Variants in SLC35A1 observed in about 807,000 individuals in gnomAD.
The protein encoded by SLC35A1 is solute carrier family 35 member A1.
Under a neutral mutation model 40.3 loss-of-function variants are expected in SLC35A1, and 21 were observed. The ratio of observed to expected loss-of-function variants is 0.52; its 90% CI spans 0.37 to 0.75. The LOEUF is 0.75. SLC35A1 is among the 30% of genes least tolerant of loss of function. The pLI is 0.00. For missense variants in SLC35A1, 297 were observed against 382.1 expected, an observed-to-expected ratio of 0.78 and a Z score of 1.86; for synonymous variants, 146 against 147.3, an observed-to-expected ratio of 0.99 and a Z score of 0.06.
intron 1 of SLC35A1, among the ~76,000 whole-genome samples, chr6:87,473,476 C>T (rs1263338338): frequency 6.6e-6 from 1 of 152,214 alleles, no homozygotes; most frequent in African/African-American, 2.4e-5. Context: ...GCGCAGATCC[C>T]ATGCGGCGGC....
intron 2 of SLC35A1, among the ~76,000 whole-genome samples, chr6:87,478,704 C>A (rs550536559): frequency 3.9e-5 from 6 of 152,238 alleles, no homozygotes; most frequent in African/African-American, 1.4e-4. Context: ...TTATACTAAT[C>A]CACTTGAAGT....
At chr6:87,500,292 AGTT>A (rs1769879619) in intron 2 of SLC35A1, among the ~76,000 whole-genome samples, 1 of 152,232 alleles carries the variant, frequency 6.6e-6, no homozygotes, top group South Asian at 2.1e-4. Context: ...TGGTAAATCT[AGTT>A]GTTGTCATAT....
chr6:87,490,590 C>T (rs2127969044), intron 2 of SLC35A1, among the ~76,000 whole-genome samples: 1 of 151,990 alleles, frequency 6.6e-6, no homozygotes, highest in South Asian at 2.1e-4. Context: ...CCTCGGCCTC[C>T]CAATGTAATT....
intron 2 of SLC35A1, among the ~76,000 whole-genome samples, chr6:87,483,117 C>G (rs1321908689): frequency 6.6e-6 from 1 of 152,096 alleles, no homozygotes; most frequent in Non-Finnish European, 1.5e-5. Flanking sequence ...TAAATTTACC[C>G]TAGCTTTTAA....
intron 4 of SLC35A1, among the ~76,000 whole-genome samples, chr6:87,505,350 A>G (rs1770046521): frequency 6.6e-6 from 1 of 152,208 alleles, no homozygotes; most frequent in Admixed American, 6.6e-5. Flanking sequence ...AAAGCTCCTG[A>G]CAGTTTAGAA....
intron 2 of SLC35A1, among the ~76,000 whole-genome samples, chr6:87,496,365 T>C (rs554356879): frequency 5.9e-5 from 9 of 152,274 alleles, no homozygotes; most frequent in African/African-American, 1.9e-4. Context: ...AAAAAGAAAT[T>C]TAATATATGT....
At chr6:87,478,451 C>CA (rs1769140815) in intron 2 of SLC35A1, among the ~76,000 whole-genome samples, 1 of 152,098 alleles carries the variant, frequency 6.6e-6, no homozygotes, top group Non-Finnish European at 1.5e-5. Flanking sequence ...GTTAAGAAGT[C>CA]ATACAGGTTT....
chr6:87,501,402 C>A, intron 4 of SLC35A1, 92 bp downstream of exon 4: 2 of 1,274,288 alleles, frequency 1.6e-6, no homozygotes, highest in Non-Finnish European at 2.2e-6. Flanking sequence ...TGCAGCATGA[C>A]TACATTTCTT....
intron 4 of SLC35A1, among the ~76,000 whole-genome samples, chr6:87,501,746 C>T (rs1769928778): frequency 6.6e-6 from 1 of 152,208 alleles, no homozygotes; most frequent in South Asian, 2.1e-4. Context: ...CATCTTCTCT[C>T]TCAACTGTCA....
At chr6:87,505,988 A>G (rs984657575) in intron 4 of SLC35A1, among the ~76,000 whole-genome samples, 5 of 152,228 alleles carry the variant, frequency 3.3e-5, no homozygotes, top group African/African-American at 1.2e-4. Flanking sequence ...GATGAGGAAT[A>G]AATAAGTTAA....
At chr6:87,506,578 AG>A (rs1490120934) in intron 5 of SLC35A1, 130 bp downstream of exon 5, 10 of 792,836 alleles carry the variant, frequency 1.3e-5, no homozygotes, top group Non-Finnish European at 2.0e-5. Context: ...GCTTATATTT[AG>A]TTTTATGTCA....
intron 7 of SLC35A1, among the ~76,000 whole-genome samples, chr6:87,509,986 T>C (rs1770211906): frequency 6.6e-6 from 1 of 152,218 alleles, no homozygotes; most frequent in Non-Finnish European, 1.5e-5. Context: ...TAAAATTGAC[T>C]CCTGTATATA....
chr6:87,473,942 C>G (rs1040284054), intron 1 of SLC35A1, among the ~76,000 whole-genome samples: 1 of 152,226 alleles, frequency 6.6e-6, no homozygotes, highest in Non-Finnish European at 1.5e-5. Flanking sequence ...TTCCCTGTTG[C>G]GGGGTCCATG....
chr6:87,506,590 G>T, intron 5 of SLC35A1, 142 bp downstream of exon 5: 1 of 743,690 alleles, frequency 1.3e-6, no homozygotes, highest in Non-Finnish European at 2.4e-6. Context: ...TTTTATGTCA[G>T]CTGTTTTTCC....
Position 87,496,694 on chromosome 6 carries a change from C to T in SLC35A1, c.195-3814C>T, listed in dbSNP as rs558883126. On this transcript the variant is annotated intron_variant, in intron 2 of 7. Transcript: ENST00000369552. ...ACTTGGGAGGCTGAAGCAGGAGAAT[C>T]ACTTGAACCCAGGAGGTGGAGGTTG... Among the ~76,000 whole-genome samples the T allele has an allele frequency of 5.1e-3, 767 of 148,938 alleles. 11 individuals are homozygous for T. The highest frequency in any genetic ancestry group is 0.018 in the African/African-American group (725 of 40,430).
At chr6:87,498,649 T>C (rs926267145) in intron 2 of SLC35A1, among the ~76,000 whole-genome samples, 4 of 152,068 alleles carry the variant, frequency 2.6e-5, no homozygotes, top group African/African-American at 9.7e-5. Context: ...CCTGTGCATG[T>C]AGTCCCAGCT....
At chr6:87,482,691 GTAAT>G (rs1769278819) in intron 2 of SLC35A1, among the ~76,000 whole-genome samples, 1 of 152,170 alleles carries the variant, frequency 6.6e-6, no homozygotes, top group African/African-American at 2.4e-5. Context: ...CCTTTATATG[GTAAT>G]TAATTAAGAT....
At chr6:87,496,787 A>AC (rs1769743174) in intron 2 of SLC35A1, among the ~76,000 whole-genome samples, 2 of 143,076 alleles carry the variant, frequency 1.4e-5, no homozygotes, top group Admixed American at 7.4e-5. Context: ...CTCAAAAAAA[A>AC]AAAAAAAGAA....
At chr6:87,510,906 G>C (rs546082841) in intron 7 of SLC35A1, among the ~76,000 whole-genome samples, 1 of 151,808 alleles carries the variant, frequency 6.6e-6, no homozygotes, top group Non-Finnish European at 1.5e-5. Context: ...GTTAAGACTA[G>C]TAGGAAATGT....
Sources: gnomAD v4.1 joint callset for allele counts (sites outside exome capture counted in the v4.1 genomes callset) on GRCh38, gnomAD v4.1.1 for gene constraint, MANE v1.5 for transcripts, NCBI Gene and HGNC (gene_info 2026-07-23, HGNC 2026-07-21) for gene names.